Variants in PRH1 observed in about 807,000 individuals in gnomAD.
PRH1 encodes the protein salivary acidic proline-rich phosphoprotein 1/2.
PRH1 carries 7 observed loss-of-function variants against 7.9 expected under a neutral mutation model. The ratio of observed to expected loss-of-function variants is 0.89; its 90% CI spans 0.50 to 1.67. PRH1 has a LOEUF of 1.67. Among genes scored for constraint, PRH1 ranks in the 40% most tolerant of loss-of-function variants. The pLI is 0.00. For missense variants in PRH1, 109 were observed against 223.6 expected, an observed-to-expected ratio of 0.49 and a Z score of 3.27; for synonymous variants, 45 against 80.8, an observed-to-expected ratio of 0.56 and a Z score of 2.38.
intron 1 of PRH1, among the ~76,000 whole-genome samples, chr12:11,162,197 C>T (rs1947438025): frequency 6.6e-6 from 1 of 152,126 alleles, no homozygotes; most frequent in Non-Finnish European, 1.5e-5. Context: ...AAGGGAGTTT[C>T]TCCCAGAGTC....
intron 2 of PRH1, among the ~76,000 whole-genome samples, chr12:10,943,542 T>A (rs1454526577): frequency 2.0e-5 from 3 of 152,156 alleles, no homozygotes; most frequent in African/African-American, 7.2e-5. Flanking sequence ...TCTGTTGATA[T>A]TTTCTTTTCT....
At chr12:10,947,562 T>G (rs140976114) in intron 2 of PRH1, among the ~76,000 whole-genome samples, 1 of 152,138 alleles carries the variant, frequency 6.6e-6, no homozygotes, top group East Asian at 1.9e-4. Flanking sequence ...CAGAATACCA[T>G]TGGGTCTTGC....
chr12:11,061,599 G>A (rs773665473), intron 1 of PRH1: 2 of 1,614,074 alleles, frequency 1.2e-6, no homozygotes, highest in Non-Finnish European at 1.7e-6. Context: ...AGAGGAAGGA[G>A]GTCACAGTTT....
intron 2 of PRH1, chr12:10,895,788 T>C (rs1198229825): frequency 1.3e-5 from 2 of 152,208 alleles, no homozygotes; most frequent in African/African-American, 4.8e-5. Flanking sequence ...CAGTCAATGA[T>C]ATTAACCAAT....
chr12:10,998,700 T>C (rs1940426824), intron 1 of PRH1, among the ~76,000 whole-genome samples: 1 of 152,140 alleles, frequency 6.6e-6, no homozygotes, highest in South Asian at 2.1e-4. Flanking sequence ...AACATATCTC[T>C]CATGCTTAGG....
At chr12:11,048,807 A>G, upstream of PRH1, 1 of 295,972 alleles carries the variant, frequency 3.4e-6, no homozygotes, top group Middle Eastern at 5.4e-4. Flanking sequence ...ACACACTCTC[A>G]CCCGTGGTTA....
intron 1 of PRH1, among the ~76,000 whole-genome samples, chr12:11,073,793 A>G (rs1944184561): frequency 6.6e-6 from 1 of 152,186 alleles, no homozygotes; most frequent in South Asian, 2.1e-4. Flanking sequence ...TGGGCATTAT[A>G]GGACTCTGTG....
intron 2 of PRH1, among the ~76,000 whole-genome samples, chr12:10,953,941 A>G (rs535878118): frequency 7.2e-5 from 11 of 152,336 alleles, no homozygotes; most frequent in African/African-American, 2.6e-4. Context: ...AACCAGGAAG[A>G]GATGGGGGCT....
chr12:11,061,495 A>G, intron 1 of PRH1: 2 of 1,614,178 alleles, frequency 1.2e-6, no homozygotes, highest in Non-Finnish European at 1.7e-6. Flanking sequence ...GCTGAATGCA[A>G]TAGCTTCGCA....
chr12:11,004,232 C>T (rs909637380), intron 1 of PRH1, among the ~76,000 whole-genome samples: 10 of 152,078 alleles, frequency 6.6e-5, no homozygotes, highest in Admixed American at 5.9e-4. Flanking sequence ...CGGTGGCTCA[C>T]GCCTGTAATC....
At chr12:10,977,929 A>C (rs1331904302) in intron 1 of PRH1, among the ~76,000 whole-genome samples, 1 of 152,196 alleles carries the variant, frequency 6.6e-6, no homozygotes, top group Non-Finnish European at 1.5e-5. Context: ...AAGTGGAAAA[A>C]GATTCCGAGC....
intron 1 of PRH1, chr12:10,997,970 T>A: frequency 1.3e-6 from 1 of 746,986 alleles, no homozygotes; most frequent in Non-Finnish European, 2.1e-6. Context: ...TGCACTTGAT[T>A]CCTGAATGTC....
chr12:11,075,904 T>TC (rs1427358733), intron 1 of PRH1, among the ~76,000 whole-genome samples: 94 of 94,688 alleles, frequency 9.9e-4, no homozygotes, highest in Admixed American at 5.0e-3. Flanking sequence ...AACGTATCAT[T>TC]TTTGACCAAC....
chr12:11,026,544 C>G (rs934864038), intron 1 of PRH1, among the ~76,000 whole-genome samples: 2 of 148,426 alleles, frequency 1.3e-5, no homozygotes, highest in African/African-American at 2.5e-5. Context: ...TTCTCCTCTA[C>G]TGGCAACAAA....
upstream of PRH1, chr12:10,884,335 G>A (rs1949457175): frequency 1.5e-5 from 19 of 1,258,118 alleles, no homozygotes; most frequent in Middle Eastern, 1.9e-4. Context: ...GGGCCTCCTC[G>A]CCTCAGAGAC....
At chr12:11,051,750 G>A (rs189877320), upstream of PRH1, among the ~76,000 whole-genome samples, 25 of 149,898 alleles carry the variant, frequency 1.7e-4, no homozygotes, top group Non-Finnish European at 1.5e-4. Context: ...CTATATGTTC[G>A]TATTCATGGC....
At chr12:11,026,247 G>T (rs1941907841) in intron 1 of PRH1, among the ~76,000 whole-genome samples, 1 of 152,148 alleles carries the variant, frequency 6.6e-6, no homozygotes, top group Non-Finnish European at 1.5e-5. Flanking sequence ...TGTTGTGAAG[G>T]GAACTCCTGC....
At chr12:11,151,079 T>C (rs1947066160) in intron 1 of PRH1, among the ~76,000 whole-genome samples, 1 of 152,126 alleles carries the variant, frequency 6.6e-6, no homozygotes, top group African/African-American at 2.4e-5. Context: ...TTGAAGCTGC[T>C]CCAAGGAGAT....
chr12:10,997,727 G>A, intron 1 of PRH1: 1 of 1,613,920 alleles, frequency 6.2e-7, no homozygotes, highest in Non-Finnish European at 8.5e-7. Flanking sequence ...GACTGCCAGA[G>A]CAGCAATAAT....
Sources: allele counts gnomAD v4.1 joint callset (sites outside exome capture counted in the v4.1 genomes callset), GRCh38; gene constraint gnomAD v4.1.1; transcripts MANE v1.5; gene names NCBI Gene and HGNC (gene_info 2026-07-23, HGNC 2026-07-21).